OTOGL: variants seen among roughly 807,000 people sequenced by gnomAD.
The protein encoded by OTOGL is otogelin-like protein.
Under a neutral mutation model 318.5 loss-of-function variants are expected in OTOGL, and 285 were observed. That is an observed-to-expected ratio of 0.89 (90% CI 0.81 to 0.99). OTOGL has a LOEUF of 0.99. OTOGL is among the 50% of genes least tolerant of loss of function. The pLI, the probability that OTOGL is intolerant of heterozygous loss-of-function variation, is 0.00. For missense variants in OTOGL, 2,899 were observed against 2,845.6 expected (o/e 1.02, Z -0.43); for synonymous variants, 987 against 936.5 (o/e 1.05, Z -0.99).
chr12:80,219,332 G>A (rs1379763288), intron 5 of OTOGL, among the ~76,000 whole-genome samples: 3 of 152,168 alleles, frequency 2.0e-5, no homozygotes, highest in African/African-American at 7.2e-5. Flanking sequence ...GGCTGGTCTC[G>A]AACTCCTGAC....
At chr12:80,306,237 G>A (rs1326669950) in intron 29 of OTOGL, among the ~76,000 whole-genome samples, 1 of 152,116 alleles carries the variant, frequency 6.6e-6, no homozygotes, top group African/African-American at 2.4e-5. Context: ...AAGGTTTCTT[G>A]AGGCATTATA....
chr12:80,297,100 C>T, intron 27 of OTOGL, 139 bp downstream of exon 27: 1 of 741,928 alleles, frequency 1.3e-6, no homozygotes, highest in Non-Finnish European at 1.9e-6. Context: ...TGCGTGGCTT[C>T]AGTACATTGT....
chr12:80,305,811 T>G (rs1341684670), intron 29 of OTOGL, 116 bp downstream of exon 29: 4 of 861,750 alleles, frequency 4.6e-6, no homozygotes, highest in East Asian at 6.2e-5. Context: ...TCATAGTAAT[T>G]TATAGCTGAT....
At chr12:80,100,056 C>T (rs1869044793) in intron 1 of OTOGL, among the ~76,000 whole-genome samples, 2 of 152,190 alleles carry the variant, frequency 1.3e-5, no homozygotes, top group African/African-American at 2.4e-5. Context: ...TTTTCTGTTA[C>T]TCTTGGGCTA....
At chr12:80,111,215 C>T (rs1184916777) in intron 1 of OTOGL, among the ~76,000 whole-genome samples, 4 of 152,080 alleles carry the variant, frequency 2.6e-5, no homozygotes, top group African/African-American at 9.7e-5. Context: ...CTGTTCACTC[C>T]AATGATAGTT....
At chr12:80,211,032 G>T in intron 3 of OTOGL, 146 bp downstream of exon 3, 1 of 472,896 alleles carries the variant, frequency 2.1e-6, no homozygotes, top group Non-Finnish European at 3.5e-6. Context: ...AAACATTTCT[G>T]CAGATTAAAA....
chr12:80,318,585 A>C lies in OTOGL; in HGVS notation c.3674A>C (p.Gln1225Pro). The C allele has an allele frequency of 7.0e-7, 1 of 1,426,422 alleles. No individual in the cohort carries two copies. The highest frequency in any genetic ancestry group is 9.2e-7 in the Non-Finnish European group (1 of 1,090,126). 88.4% of individuals were successfully genotyped at this position (1,426,422 alleles called of 1,614,324 possible). The change falls in exon 33 of 59, where the codon CAG becomes CCG. Residue 1225 changes from glutamine to proline, a missense_variant. Around this residue, in one of 3 missense-constraint regions of OTOGL, gnomAD observed 2,607 missense variants for 2,524.9 expected, o/e 1.03. Transcript: ENST00000547103. ...EGPYMLASYG[Q>P]SGLVLGANMT... ...CCATATATGCTGGCAAGCTATGGGC[A>C]GAGTGGCCTTGTTCTGGGGGCCAAT...
chr12:80,346,185 T>C (rs1354972449), intron 44 of OTOGL, among the ~76,000 whole-genome samples: 1 of 152,206 alleles, frequency 6.6e-6, no homozygotes, highest in Non-Finnish European at 1.5e-5. Flanking sequence ...ACATTATTTT[T>C]ATTTAAAAGA....
At chr12:80,201,065 C>T (rs1478356032) in intron 1 of OTOGL, among the ~76,000 whole-genome samples, 1 of 152,166 alleles carries the variant, frequency 6.6e-6, no homozygotes, top group Non-Finnish European at 1.5e-5. Flanking sequence ...AACCCTGTGG[C>T]ACCTCCCATC....
At chr12:80,317,085 A>T (rs896949043) in intron 32 of OTOGL, among the ~76,000 whole-genome samples, 1 of 152,188 alleles carries the variant, frequency 6.6e-6, no homozygotes, top group East Asian at 1.9e-4. Context: ...GTGTTCATTT[A>T]TATGACTTTT....
intron 52 of OTOGL, chr12:80,360,959 T>C (rs1890205224): frequency 6.6e-6 from 1 of 152,154 alleles, no homozygotes; most frequent in South Asian, 2.1e-4. Context: ...ACACATGCAT[T>C]ACCTCACGAC....
intron 1 of OTOGL, among the ~76,000 whole-genome samples, chr12:80,173,470 C>T (rs1033205347): frequency 6.6e-6 from 1 of 152,076 alleles, no homozygotes; most frequent in African/African-American, 2.4e-5. Context: ...CATGCTAATG[C>T]TTATATTAAT....
rs1566023113 is a variant in OTOGL, at chr12:80,372,021, T to C, written c.6738T>C (p.Asn2246=). 6.5e-7 allele frequency: 1 copy of C among 1,548,274 alleles called. No homozygotes were observed. Among genetic ancestry groups the C allele is most frequent in the Admixed American group, 1.9e-5 (1 of 53,178 alleles). The part of the protein sequence containing the change: ...PPFNETECKM[N]EGIVKLYNEG... ...TTATTGCTTTTTTCTCTTTCTAGAA[T>C]GAAGGGATTGTGAAGCTTTATAATG... The change falls in exon 57 of 59, where the codon AAT becomes AAC. Residue 2246 remains asparagine (N), a splice_region_variant and synonymous_variant. Transcript: ENST00000547103.
rs1011125695 is a variant in OTOGL, at chr12:80,305,677, T to G, written c.3315T>G (p.Asp1105Glu). The change falls in exon 29 of 59, where the codon GAT (aspartate) becomes GAG (glutamate). Residue 1105 changes from aspartate (D) to glutamate (E), a missense_variant. Asp to Glu is a conservative substitution (Grantham distance 45, BLOSUM62 2). This residue lies in a region of OTOGL where 2,607 missense variants were observed against 2,524.9 expected (regional missense o/e 1.03). Coordinates refer to ENST00000547103, the MANE Select transcript of OTOGL (RefSeq NM_001378609.3). ...LEVRNARVFG[D>E]SWALGQCESP... ...TGAGAAATGCTCGGGTATTTGGAGA[T>G]AGTTGGGCATTAGGACAGGTAAGTT... 1.9e-6 allele frequency: 3 copies of G among 1,568,440 alleles called. No individual in the cohort carries two copies. Among genetic ancestry groups the G allele is most frequent in the African/African-American group, 2.7e-5 (2 of 73,942 alleles).
At chr12:80,144,829 TG>T (rs1250469666) in intron 1 of OTOGL, among the ~76,000 whole-genome samples, 1 of 152,196 alleles carries the variant, frequency 6.6e-6, no homozygotes, top group African/African-American at 2.4e-5. Context: ...TTTTTTCATA[TG>T]TTTTTTGGCT....
intron 35 of OTOGL, among the ~76,000 whole-genome samples, chr12:80,325,015 CAG>C (rs1018637335): frequency 9.6e-5 from 14 of 145,674 alleles, no homozygotes; most frequent in African/African-American, 3.5e-4. Flanking sequence ...AAAACAGAGA[CAG>C]AGAGTATAAA....
chr12:80,357,596 A>C (rs1889987368), intron 49 of OTOGL, among the ~76,000 whole-genome samples: 1 of 152,186 alleles, frequency 6.6e-6, no homozygotes, highest in Non-Finnish European at 1.5e-5. Flanking sequence ...ACCAAAATGA[A>C]GCAGAACAGT....
At chr12:80,172,868 A>C (rs963944665) in intron 1 of OTOGL, among the ~76,000 whole-genome samples, 1 of 152,116 alleles carries the variant, frequency 6.6e-6, no homozygotes, top group Non-Finnish European at 1.5e-5. Context: ...TCTCACTTAT[A>C]AGTGGGAGCT....
At chr12:80,320,385 C>A in intron 33 of OTOGL, 37 bp from the exon 34 acceptor site, 1 of 1,548,700 alleles carries the variant, frequency 6.5e-7, no homozygotes, top group South Asian at 1.2e-5. Context: ...GATGATCTTC[C>A]TTCTCCTGAG....
Sources: allele counts gnomAD v4.1 joint callset (sites outside exome capture counted in the v4.1 genomes callset), GRCh38; gene constraint gnomAD v4.1.1; regional missense constraint gnomAD v4.1.1; transcripts MANE v1.5; gene names NCBI Gene and HGNC (gene_info 2026-07-23, HGNC 2026-07-21).